CHM: variants seen among roughly 807,000 people sequenced by gnomAD.
CHM encodes CHM Rab escort protein.
A neutral mutation model predicts 49.0 loss-of-function variants in CHM; 10 were observed. The ratio of observed to expected loss-of-function variants is 0.20; its 90% CI spans 0.13 to 0.35. CHM has a LOEUF of 0.35. Among genes scored for constraint, CHM ranks in the 10% least tolerant of loss-of-function variants. The pLI is 1.00. For missense variants in CHM, 455 were observed against 478.4 expected, an observed-to-expected ratio of 0.95 and a Z score of 0.46; for synonymous variants, 184 against 167.5, an observed-to-expected ratio of 1.10 and a Z score of -0.76.
At chrX:85,937,183 T>C (rs1253072159) in intron 8 of CHM, among the ~76,000 whole-genome samples, 2 of 107,120 alleles carry the variant, frequency 1.9e-5, no homozygotes, top group Non-Finnish European at 3.8e-5. Context: ...GGAGAATCAC[T>C]TGAACCCGGG....
chrX:85,972,175 G>A (rs1392670183), intron 4 of CHM, among the ~76,000 whole-genome samples: 7 of 111,412 alleles, frequency 6.3e-5, no homozygotes, highest in African/African-American at 2.0e-4. Flanking sequence ...ACAGAGTGTC[G>A]ATTGGTGCAC....
At chrX:86,010,250 T>C (rs1393595274) in intron 2 of CHM, among the ~76,000 whole-genome samples, 2 of 100,266 alleles carry the variant, frequency 2.0e-5, no homozygotes, top group Non-Finnish European at 4.0e-5. Context: ...AAATACCTAA[T>C]GTAAATGATG....
At chrX:86,016,361 T>C (rs929455463) in intron 2 of CHM, among the ~76,000 whole-genome samples, 1 of 111,426 alleles carries the variant, frequency 9.0e-6, no homozygotes, top group Non-Finnish European at 1.9e-5. Flanking sequence ...ATGTAGGAAG[T>C]CTTCACAGCA....
In CHM at chrX:85,879,006, A is replaced by G. The variant is rs1420032946; in HGVS notation, c.1568T>C (p.Val523Ala). The change falls in exon 13 of 15, where the codon GTT (valine) becomes GCT (alanine). Residue 523 changes from valine to alanine, a missense_variant. By Grantham distance (64) the Val-to-Ala change is moderately conservative. Transcript: ENST00000357749. ...SKTAREDLESVVQKLFVPYTE... is the reference protein window; with the variant it reads ...SKTAREDLESAVQKLFVPYTE... ...ATATGGAACAAACAATTTCTGCACA[A>G]CTGATTCTAAATCTTCTCTTGCTGT... The G allele has an allele frequency of 1.7e-6, 2 of 1,203,323 alleles. No homozygotes were observed. The highest frequency in any genetic ancestry group is 3.5e-5 in the African/African-American group (2 of 57,106).
intron 1 of CHM, among the ~76,000 whole-genome samples, chrX:86,036,845 C>T (rs1934265814): frequency 9.0e-6 from 1 of 111,313 alleles, no homozygotes; most frequent in African/African-American, 3.3e-5. Context: ...GCTTAGTCCT[C>T]ATTACAGAGA....
At chrX:86,029,387 A>C (rs1293089872) in intron 1 of CHM, among the ~76,000 whole-genome samples, 1 of 112,007 alleles carries the variant, frequency 8.9e-6, no homozygotes, top group Non-Finnish European at 1.9e-5. Flanking sequence ...CTTAGTTAAA[A>C]GGATAATGGC....
chrX:86,045,007 AATG>A (rs1400391667), intron 1 of CHM, among the ~76,000 whole-genome samples: 1 of 112,288 alleles, frequency 8.9e-6, no homozygotes, highest in African/African-American at 3.2e-5. Context: ...CATTACAGAA[AATG>A]ATAATGCAAG....
In CHM at chrX:85,947,186, A is replaced by T. The variant is rs72633126; in HGVS notation, c.1166+8967T>A. Among the ~76,000 whole-genome samples the T allele has an allele frequency of 3.7e-4, 42 of 112,092 alleles. No individual in the cohort carries two copies. The East Asian group carries it at 0.011, about 30-fold the overall frequency. ...ATTGAAAAGGGATGCTTGTATTTTG[A>T]AACGTGATAAGGAAATGAGATTTGG... On this transcript the variant is annotated intron_variant, in intron 8 of 14. Coordinates refer to ENST00000357749, the MANE Select transcript of CHM (RefSeq NM_000390.4).
rs576125578 is a variant in CHM, at chrX:86,010,240, A to G, written c.116+17251T>C. On this transcript the variant is annotated intron_variant, in intron 2 of 14. Transcript: ENST00000357749. The stretch of plus-strand genomic sequence containing the variant: ...GCTGGAGGAGGGATAGTGTTAGGAG[A>G]AATACCTAATGTAAATGATGAGTTG... Among the ~76,000 whole-genome samples the G allele has an allele frequency of 9.9e-5, 10 of 101,320 alleles. No individual in the cohort carries two copies. The South Asian group carries it at 5.1e-3, about 51-fold the overall frequency. 88.0% of individuals were successfully genotyped at this position (101,320 alleles called of 115,157 possible).
At chrX:86,039,478 CATA>C (rs766379157) in intron 1 of CHM, among the ~76,000 whole-genome samples, 43 of 88,840 alleles carry the variant, frequency 4.8e-4, no homozygotes, top group African/African-American at 1.7e-3. Flanking sequence ...AACTAGTAGC[CATA>C]ATAACTCAAT....
intron 8 of CHM, among the ~76,000 whole-genome samples, chrX:85,923,178 T>A (rs774982585): frequency 8.9e-6 from 1 of 112,368 alleles, no homozygotes; most frequent in Non-Finnish European, 1.9e-5. Flanking sequence ...TGTGTGACAG[T>A]GCTTCAGTTC....
At chrX:86,012,820 G>C (rs1933134295) in intron 2 of CHM, among the ~76,000 whole-genome samples, 1 of 110,780 alleles carries the variant, frequency 9.0e-6, no homozygotes, top group South Asian at 3.8e-4. Context: ...GGCCTAGGCA[G>C]ACAGTGGCAG....
At chrX:85,900,342 C>T (rs763870416) in intron 11 of CHM, among the ~76,000 whole-genome samples, 11 of 111,353 alleles carry the variant, frequency 9.9e-5, no homozygotes, top group East Asian at 2.8e-4. Flanking sequence ...GAGAGTAAAA[C>T]GGTGCTTGCC....
intron 2 of CHM, among the ~76,000 whole-genome samples, chrX:85,989,914 G>A (rs955851931): frequency 8.9e-6 from 1 of 111,801 alleles, no homozygotes; most frequent in Non-Finnish European, 1.9e-5. Context: ...TTTAACCACT[G>A]TGGAAAGCAT....
intron 12 of CHM, among the ~76,000 whole-genome samples, chrX:85,880,794 C>T (rs1487707885): frequency 9.0e-6 from 1 of 111,445 alleles, no homozygotes; most frequent in African/African-American, 3.2e-5. Context: ...AATCCCTATA[C>T]ATTGACTTTG....
Position 85,991,754 on chromosome X carries a change from T to C in CHM, c.117-9945A>G, listed in dbSNP as rs1263014156. The stretch of plus-strand genomic sequence containing the variant: ...CTCAAATTCAGTTAACCAACAAACA[T>C]GTTTTTTTTTTTAAAGTATATTAAA... On this transcript the variant is annotated intron_variant, in intron 2 of 14. Coordinates refer to ENST00000357749, the MANE Select transcript of CHM (RefSeq NM_000390.4). Among the ~76,000 whole-genome samples the C allele has an allele frequency of 2.6e-4, 25 of 94,451 alleles. No homozygotes were observed. The Admixed American group carries it at 3.0e-3, about 11-fold the overall frequency. The allele number at this position is 94,451 out of a possible 115,157, so 82.0% of individuals were successfully genotyped here.
At position 85,900,649 on chromosome X, in the gene CHM, T is replaced by C. The variant is rs1420048988; in HGVS notation, c.1410A>G (p.Gln470=). 1 of 1,151,655 alleles carries C rather than the reference T, an allele frequency of 8.7e-7. No homozygotes were observed. Among genetic ancestry groups the C allele is most frequent in the South Asian group, 1.8e-5 (1 of 54,274 alleles). The allele number at this position is 1,151,655 out of a possible 1,213,427, so 94.9% of individuals were successfully genotyped here. The change falls in exon 11 of 15, where the codon CAA becomes CAG. Residue 470 remains glutamine, a synonymous_variant. Transcript: ENST00000357749. The part of the protein sequence containing the change: ...DRSVLKTDSD[Q]QISILTVPAE... ...AAATATATAGGACTGAATTTACCTG[T>C]TGATCTGAATCTGTTTTTAGGACAG...
At chrX:86,037,199 C>T (rs747219160) in intron 1 of CHM, among the ~76,000 whole-genome samples, 1 of 103,870 alleles carries the variant, frequency 9.6e-6, no homozygotes, top group Admixed American at 1.0e-4. Flanking sequence ...TCACTGCAAC[C>T]TCCGCCTCCC....
At chrX:86,033,415 T>C (rs1934116585) in intron 1 of CHM, among the ~76,000 whole-genome samples, 1 of 112,478 alleles carries the variant, frequency 8.9e-6, no homozygotes, top group Non-Finnish European at 1.9e-5. Flanking sequence ...ATTCCATGTG[T>C]TATTTATAAC....
Sources: allele counts gnomAD v4.1 joint callset (sites outside exome capture counted in the v4.1 genomes callset), GRCh38; gene constraint gnomAD v4.1.1; transcripts MANE v1.5; gene names NCBI Gene and HGNC (gene_info 2026-07-23, HGNC 2026-07-21).